CR1: variants seen among roughly 807,000 people sequenced by gnomAD.
The protein encoded by CR1 is complement C3b/C4b receptor 1 (Knops blood group), also known as complement receptor type 1.
In CR1, 116 loss-of-function variants were observed where a neutral mutation model predicts 187.3. The observed-to-expected ratio is 0.62, with a 90% CI of 0.53 to 0.72. CR1 has a LOEUF of 0.72. Ranked by LOEUF, CR1 falls within the 30% of genes least tolerant of loss-of-function variation. The pLI, the probability that CR1 is intolerant of heterozygous loss-of-function variation, is 0.00. For synonymous variants in CR1, 576 were observed against 747.1 expected (o/e 0.77, Z 3.73); for missense variants, 1,731 against 2,110.7 (o/e 0.82, Z 3.52).
intron 28 of CR1, among the ~76,000 whole-genome samples, chr1:207,577,337 C>T (rs1477976703): frequency 6.6e-6 from 1 of 151,910 alleles, no homozygotes; most frequent in Non-Finnish European, 1.5e-5. Flanking sequence ...AGTAGAGCAG[C>T]ACTCATAACA....
rs114610598 is a variant in CR1, at chr1:207,577,798, T to G, written c.4538-7T>G. ...TTGTTTTGGTTAACTTGCTGTCTCT[T>G]TTCCAGGAATTCCTTGTGGGCTACC... On this transcript the variant is annotated splice_region_variant and splice_polypyrimidine_tract_variant and intron_variant, in intron 28 of 46. Transcript: ENST00000367049. The G allele has an allele frequency of 0.026, 41,694 of 1,613,664 alleles. 730 individuals are homozygous for G. The highest frequency in any genetic ancestry group is 0.042 in the Admixed American group (2,491 of 59,992).
Position 207,511,604 on chromosome 1 carries a change from T to A in CR1, c.437T>A (p.Ile146Asn), listed in dbSNP as rs778796743. ...ATTGGTTCCTCGTCTGCCACATGCATCATCTCAGGTGATACTGTCATTTGG... is the reference window on the plus strand; with the variant it reads ...ATTGGTTCCTCGTCTGCCACATGCAACATCTCAGGTGATACTGTCATTTGG... The part of the protein sequence containing the change: ...RLIGSSSATC[I>N]ISGDTVIWDN... The change falls in exon 4 of 47, where the codon ATC (isoleucine) becomes AAC (asparagine). Residue 146 changes from isoleucine (I) to asparagine (N), a missense_variant. Around this residue, in one of 5 missense-constraint regions of CR1, gnomAD observed 237 missense variants for 240.4 expected, o/e 0.99. Transcript: ENST00000367049. 3 of 1,613,468 alleles carry A rather than the reference T, an allele frequency of 1.9e-6. No individual in the cohort carries two copies. In the East Asian group the frequency reaches 6.7e-5, roughly 36 times the overall value.
intron 29 of CR1, among the ~76,000 whole-genome samples, chr1:207,578,698 T>C (rs1660844006): frequency 6.6e-6 from 1 of 152,242 alleles, no homozygotes; most frequent in African/African-American, 2.4e-5. Flanking sequence ...TGCAAGTGTA[T>C]CAGACCCCAG....
chr1:207,594,776 A>G (rs1661377671), intron 35 of CR1, among the ~76,000 whole-genome samples: 1 of 152,130 alleles, frequency 6.6e-6, no homozygotes, highest in Admixed American at 6.6e-5. Flanking sequence ...GGACGATTTA[A>G]ACTGCTTTTC....
chr1:207,510,141 A>C (rs1659566482), intron 3 of CR1, among the ~76,000 whole-genome samples: 1 of 152,110 alleles, frequency 6.6e-6, no homozygotes, highest in Non-Finnish European at 1.5e-5. Flanking sequence ...CGGGAGGTGG[A>C]GGTTGCAGTG....
rs1572991639 is a variant in CR1, at chr1:207,507,046, C to T, written c.401+233C>T. ...GGCAGAGCATATATGAAAAGTGTGG[C>T]ATTCATTGGGTGGGAAGGAAGAAAA... On this transcript the variant is annotated intron_variant, in intron 3 of 46. Coordinates refer to ENST00000367049, the MANE Select transcript of CR1 (RefSeq NM_000651.6). 9.3e-6 allele frequency: 4 copies of T among 428,282 alleles called. No individual in the cohort carries two copies. The East Asian group carries it at 1.7e-4, about 18-fold the overall frequency. The allele number at this position is 428,282 out of a possible 1,614,324, so 26.5% of individuals were successfully genotyped here. A position where few individuals can be genotyped will look rare whatever the true frequency, so the allele number is the denominator to read the frequency against.
chr1:207,578,998 G>A lies in CR1; in HGVS notation c.4936+795G>A, dbSNP rs1215678138. On this transcript the variant is annotated intron_variant, in intron 29 of 46. Transcript: ENST00000367049. ...ATCCACGTCCTACATTTTATCCCTA[G>A]GAGTCTAAGTCAAGAGTGAAAGTAA... Among the ~76,000 whole-genome samples the A allele has an allele frequency of 4.6e-5, 7 of 152,166 alleles. 1 individual carries two copies. The highest frequency in any genetic ancestry group is 1.0e-4 in the Non-Finnish European group (7 of 68,034).
rs774068991 is a variant in CR1, at chr1:207,564,160, A to G, written c.3792A>G (p.Gln1264=). Residue 1264 remains glutamine, a synonymous_variant, in exon 23 of 47, where the codon CAA becomes CAG. Transcript: ENST00000367049. ...AATCCTGTGATGACTTCATGGGCCA[A>G]CTTCTTAATGGCCGTGTGCTATTTC... is the stretch of plus-strand genomic sequence containing the variant. ...EVKSCDDFMG[Q]LLNGRVLFPV... The G allele has an allele frequency of 5.1e-6, 8 of 1,581,554 alleles. No homozygotes were observed. Among genetic ancestry groups the G allele is most frequent in the South Asian group, 3.3e-5 (3 of 89,764 alleles).
intron 41 of CR1, among the ~76,000 whole-genome samples, chr1:207,617,507 A>ATATATATATATATATATATATATGTG (rs1332301171): frequency 1.9e-4 from 9 of 47,020 alleles, no homozygotes; most frequent in South Asian, 6.5e-4. Context: ...ATATATATAT[A>ATATATATATATATATATATATATGTG]TGTGTGTGTG....
At chr1:207,516,890 G>T (rs1659824904) in intron 4 of CR1, among the ~76,000 whole-genome samples, 2 of 152,022 alleles carry the variant, frequency 1.3e-5, no homozygotes, top group Admixed American at 6.6e-5. Flanking sequence ...CTATGAATCT[G>T]ACAAAGTTTT....
At chr1:207,500,585 A>G (rs1017383084) in intron 1 of CR1, among the ~76,000 whole-genome samples, 2 of 152,220 alleles carry the variant, frequency 1.3e-5, no homozygotes, top group African/African-American at 4.8e-5. Flanking sequence ...ATAACAATAC[A>G]TACCCACTAG....
At chr1:207,505,100 A>C (rs1208313349) in intron 1 of CR1, among the ~76,000 whole-genome samples, 8 of 152,178 alleles carry the variant, frequency 5.3e-5, no homozygotes, top group Non-Finnish European at 1.5e-5. Context: ...TCTTCCACAA[A>C]ACCAGTCCCA....
chr1:207,506,681 A>T, intron 2 of CR1, 33 bp from the exon 3 acceptor site: 6 of 1,593,512 alleles, frequency 3.8e-6, no homozygotes, highest in Non-Finnish European at 4.3e-6. Context: ...AGTTTACTCT[A>T]CTTGGCTCCA....
chr1:207,565,843 A>T lies in CR1; in HGVS notation c.3872A>T (p.Gln1291Leu). The T allele has an allele frequency of 6.2e-7, 1 of 1,610,702 alleles. No homozygotes were observed. The highest frequency in any genetic ancestry group is 1.1e-5 in the South Asian group (1 of 91,050). ...ACTCCTATTTTCTTCTTTAGATTTC[A>T]ATTAAAAGGCAGCTCTGCTAGTTAT... ...KVDFVCDEGFQLKGSSASYCV... is the reference protein window; with the variant it reads ...KVDFVCDEGFLLKGSSASYCV... The change falls in exon 24 of 47, where the codon CAA becomes CTA. Residue 1291 changes from glutamine (Q) to leucine (L), a missense_variant. Physicochemically the swap from Gln to Leu is moderately radical, Grantham distance 113. This residue lies in a region of CR1 where 1,312 missense variants were observed against 1,379.6 expected (regional missense o/e 0.95). Coordinates refer to ENST00000367049, the MANE Select transcript of CR1 (RefSeq NM_000651.6).
At position 207,619,923 on chromosome 1, in the gene CR1, G is replaced by A. The variant is rs1032736529; in HGVS notation, c.7110G>A (p.Lys2370=). Residue 2370 remains lysine (K), a synonymous_variant, in exon 43 of 47, where the codon AAG becomes AAA. Coordinates refer to ENST00000367049, the MANE Select transcript of CR1 (RefSeq NM_000651.6). ...CACTGTTTATGAATGGAATCTCGAAGGAGTTAGAAATGAAAAAAGTATATC... is the reference window on the plus strand; with the variant it reads ...CACTGTTTATGAATGGAATCTCGAAAGAGTTAGAAATGAAAAAAGTATATC... The part of the protein sequence containing the change: ...SFPLFMNGIS[K]ELEMKKVYHY... 58 of 1,603,820 alleles carry A rather than the reference G, an allele frequency of 3.6e-5. No homozygotes were observed. The highest frequency in any genetic ancestry group is 4.7e-5 in the Non-Finnish European group (55 of 1,174,928).
At chr1:207,514,992 T>TAC (rs764790629) in intron 4 of CR1, among the ~76,000 whole-genome samples, 2,813 of 116,052 alleles carry the variant, frequency 0.024, 44 homozygotes, top group African/African-American at 0.057. Flanking sequence ...TATATATATA[T>TAC]ATACACACAC....
chr1:207,624,356 G>C (rs1387103798), intron 45 of CR1, among the ~76,000 whole-genome samples: 1 of 152,188 alleles, frequency 6.6e-6, no homozygotes, highest in Non-Finnish European at 1.5e-5. Context: ...CAACCTCAAT[G>C]AGGCCAGAAT....
intron 4 of CR1, among the ~76,000 whole-genome samples, chr1:207,517,852 TA>T (rs1360257086): frequency 6.6e-6 from 1 of 152,200 alleles, no homozygotes; most frequent in African/African-American, 2.4e-5. Context: ...TTACACTCAT[TA>T]ATTTCTGATA....
intron 1 of CR1, among the ~76,000 whole-genome samples, chr1:207,497,184 G>C (rs1472391799): frequency 6.6e-6 from 1 of 152,236 alleles, no homozygotes; most frequent in Non-Finnish European, 1.5e-5. Context: ...AGGTAGAAGG[G>C]ACAGTAGATA....
Sources: allele counts gnomAD v4.1 joint callset (sites outside exome capture counted in the v4.1 genomes callset), GRCh38; gene constraint gnomAD v4.1.1; regional missense constraint gnomAD v4.1.1; transcripts MANE v1.5; gene names NCBI Gene and HGNC (gene_info 2026-07-23, HGNC 2026-07-21).